Variants in MAEA observed in about 807,000 individuals in gnomAD.
The protein encoded by MAEA is macrophage erythroblast attacher, E3 ubiquitin ligase, also known as E3 ubiquitin-protein transferase MAEA.
MAEA carries 22 observed loss-of-function variants against 46.2 expected under a neutral mutation model. The ratio of observed to expected loss-of-function variants is 0.48; its 90% CI spans 0.34 to 0.68. The LOEUF is 0.68. Among genes scored for constraint, MAEA ranks in the 30% least tolerant of loss-of-function variants. The probability of loss-of-function intolerance (pLI) is 0.01; values close to 1 mark genes in which losing one functional copy is unlikely to be tolerated. For synonymous variants in MAEA, 246 were observed against 222.6 expected, an observed-to-expected ratio of 1.11 and a Z score of -0.94; for missense variants, 393 against 558.1, an observed-to-expected ratio of 0.70 and a Z score of 2.98.
intron 3 of MAEA, among the ~76,000 whole-genome samples, chr4:1,319,475 T>A (rs1000700186): frequency 1.3e-5 from 2 of 152,270 alleles, no homozygotes; most frequent in African/African-American, 4.8e-5. Flanking sequence ...TTCATGTGAC[T>A]CTCACAACCG....
At chr4:1,328,463 T>C (rs545100855) in intron 5 of MAEA, among the ~76,000 whole-genome samples, 1 of 152,338 alleles carries the variant, frequency 6.6e-6, no homozygotes, top group East Asian at 1.9e-4. Context: ...CTCACTTTCA[T>C]GGAGGTTCCT....
At chr4:1,305,901 C>T (rs1195059999) in intron 1 of MAEA, among the ~76,000 whole-genome samples, 1 of 152,232 alleles carries the variant, frequency 6.6e-6, no homozygotes, top group Non-Finnish European at 1.5e-5. Flanking sequence ...AGAGGGCTGA[C>T]AGTAGCAGTT....
chr4:1,338,314 C>T (rs1713067358), intron 7 of MAEA, 108 bp from the exon 8 acceptor site: 3 of 828,516 alleles, frequency 3.6e-6, no homozygotes, highest in Non-Finnish European at 5.7e-6. Flanking sequence ...CAGCATGGCG[C>T]CCACATAGCC....
At chr4:1,312,262 G>A (rs759730130) in intron 2 of MAEA, 101 bp downstream of exon 2, 44 of 1,437,618 alleles carry the variant, frequency 3.1e-5, no homozygotes, top group Admixed American at 2.2e-4. Context: ...ATGGGAACGC[G>A]GGAGGTGCGG....
At chr4:1,331,138 C>T (rs1711737764) in intron 5 of MAEA, 1 of 151,306 alleles carries the variant, frequency 6.6e-6, no homozygotes, top group South Asian at 2.1e-4. Context: ...GGGTGGGGCT[C>T]CTCCTGGACT....
intron 4 of MAEA, among the ~76,000 whole-genome samples, chr4:1,324,405 G>A (rs1176205016): frequency 6.7e-6 from 1 of 150,162 alleles, no homozygotes; most frequent in Admixed American, 6.6e-5. Context: ...TGGTGGATGA[G>A]TGTGTCTGGT....
At chr4:1,306,577 G>A (rs1378706892) in intron 1 of MAEA, among the ~76,000 whole-genome samples, 1 of 152,338 alleles carries the variant, frequency 6.6e-6, no homozygotes, top group Non-Finnish European at 1.5e-5. Flanking sequence ...GGCTGCAGGA[G>A]TTGGCTGTAT....
At chr4:1,318,178 C>A (rs376256246) in intron 3 of MAEA, among the ~76,000 whole-genome samples, 1 of 152,214 alleles carries the variant, frequency 6.6e-6, no homozygotes, top group South Asian at 2.1e-4. Flanking sequence ...GGCGGCCCCC[C>A]GTGTGTTCAT....
intron 4 of MAEA, among the ~76,000 whole-genome samples, chr4:1,325,254 G>T (rs1738655105): frequency 6.6e-6 from 1 of 152,192 alleles, no homozygotes. Context: ...CACAGGCATG[G>T]GTGGGTGAGT....
intron 1 of MAEA, chr4:1,309,341 G>A: frequency 1.1e-6 from 1 of 946,720 alleles, no homozygotes; most frequent in Non-Finnish European, 1.4e-6. Context: ...CCTGTGAAGG[G>A]GCTCTTGCTA....
intron 4 of MAEA, chr4:1,323,519 A>C (rs899502198): frequency 7.0e-5 from 49 of 702,478 alleles, no homozygotes; most frequent in Non-Finnish European, 1.1e-4. Flanking sequence ...GCACGAAGCA[A>C]AGACGGGACG....
chr4:1,325,542 G>A (rs1289030875), intron 4 of MAEA, among the ~76,000 whole-genome samples: 1 of 152,226 alleles, frequency 6.6e-6, no homozygotes, highest in Non-Finnish European at 1.5e-5. Context: ...GTGTGAAGCG[G>A]TAACCTAGAG....
chr4:1,297,461 A>G (rs6848799), intron 1 of MAEA, among the ~76,000 whole-genome samples: 42,944 of 150,754 alleles, frequency 0.28, 8,558 homozygotes, highest in African/African-American at 0.54. Context: ...GTACGTGCGT[A>G]TGTGTGTGTG....
intron 3 of MAEA, among the ~76,000 whole-genome samples, chr4:1,319,418 C>G (rs1039061088): frequency 3.9e-5 from 6 of 152,124 alleles, no homozygotes; most frequent in Admixed American, 2.6e-4. Flanking sequence ...TAGATGGTTT[C>G]TAGTTTCAGT....
At chr4:1,308,505 G>A (rs1736050486) in intron 1 of MAEA, among the ~76,000 whole-genome samples, 2 of 152,134 alleles carry the variant, frequency 1.3e-5, no homozygotes, top group South Asian at 2.1e-4. Flanking sequence ...GAATTGCCTC[G>A]CTGCTCTACA....
intron 3 of MAEA, 141 bp downstream of exon 3, chr4:1,315,741 C>T: frequency 3.5e-6 from 2 of 574,818 alleles, no homozygotes; most frequent in East Asian, 3.3e-5. Flanking sequence ...CTTGTGTTCC[C>T]CTCCCCCCAC....
chr4:1,333,148 G>A (rs1712068781), intron 6 of MAEA, among the ~76,000 whole-genome samples: 1 of 151,950 alleles, frequency 6.6e-6, no homozygotes, highest in Non-Finnish European at 1.5e-5. Flanking sequence ...ACAGCCTGGG[G>A]AACATAGTGA....
intron 1 of MAEA, chr4:1,300,087 C>G (rs540419656): frequency 6.6e-6 from 1 of 152,334 alleles, no homozygotes; most frequent in Non-Finnish European, 1.5e-5. Flanking sequence ...AGTAAGTGCA[C>G]GAAACCCAGT....
chr4:1,334,797 G>A (rs1190866260), intron 6 of MAEA: 8 of 884,530 alleles, frequency 9.0e-6, no homozygotes, highest in Middle Eastern at 1.1e-3. Context: ...GAAGCCCAGA[G>A]GCAACCAGTC....
Sources: gnomAD v4.1 joint callset for allele counts (sites outside exome capture counted in the v4.1 genomes callset) on GRCh38, gnomAD v4.1.1 for gene constraint, MANE v1.5 for transcripts, NCBI Gene and HGNC (gene_info 2026-07-23, HGNC 2026-07-21) for gene names.